Variants in EHBP1 observed in about 807,000 individuals in gnomAD.
EHBP1 encodes the protein EH domain binding protein 1, also known as EH domain-binding protein 1.
Under a neutral mutation model 144.0 loss-of-function variants are expected in EHBP1, and 55 were observed. The ratio of observed to expected loss-of-function variants is 0.38; its 90% CI spans 0.31 to 0.48. The LOEUF (loss-of-function observed/expected upper bound fraction) is 0.48. Ranked by LOEUF, EHBP1 falls within the 20% of genes least tolerant of loss-of-function variation. The probability of loss-of-function intolerance (pLI) is 0.98; values close to 1 mark genes in which losing one functional copy is unlikely to be tolerated. For missense variants in EHBP1, 1,200 were observed against 1,364.2 expected, an observed-to-expected ratio of 0.88 and a Z score of 1.90; for synonymous variants, 469 against 472.7, an observed-to-expected ratio of 0.99 and a Z score of 0.10.
intron 14 of EHBP1, chr2:62,956,185 C>A (rs2057685556): frequency 6.6e-6 from 1 of 152,200 alleles, no homozygotes. Context: ...AGAGTCAGTC[C>A]ACTTTCCTAT....
At chr2:62,688,981 TA>T (rs1413376823) in intron 1 of EHBP1, among the ~76,000 whole-genome samples, 1 of 152,234 alleles carries the variant, frequency 6.6e-6, no homozygotes, top group East Asian at 1.9e-4. Flanking sequence ...GTCATTTTAA[TA>T]AAACCCCAAG....
At chr2:62,763,584 T>G (rs1209595894) in intron 3 of EHBP1, among the ~76,000 whole-genome samples, 1 of 152,160 alleles carries the variant, frequency 6.6e-6, no homozygotes, top group Non-Finnish European at 1.5e-5. Context: ...TTAGTTGAGT[T>G]GAGATGTCTT....
At position 63,016,816 on chromosome 2, in the gene EHBP1, A is replaced by G. The variant is rs894996223; in HGVS notation, c.3103+20050A>G. ...AATTGATTCTGCCACATCTTGATGG[A>G]ATCACAGCCAGGCAGAAGAACAGTG... On this transcript the variant is annotated intron_variant, in intron 19 of 22. Transcript: ENST00000431489. 3.9e-5 allele frequency among the ~76,000 whole-genome samples: 6 copies of G among 152,224 alleles called. No homozygotes were observed. The East Asian group carries it at 1.2e-3, about 29-fold the overall frequency.
chr2:62,992,831 T>C (rs2059466767), intron 16 of EHBP1, among the ~76,000 whole-genome samples: 1 of 152,186 alleles, frequency 6.6e-6, no homozygotes, highest in East Asian at 1.9e-4. Context: ...CTATTAGTCA[T>C]GCATCTTAGC....
chr2:63,034,363 C>T (rs1346548925), intron 19 of EHBP1, among the ~76,000 whole-genome samples: 1 of 150,326 alleles, frequency 6.7e-6, no homozygotes, highest in Non-Finnish European at 1.5e-5. Flanking sequence ...AATGGTGAAA[C>T]TGAAAAAAAA....
In EHBP1 at chr2:63,031,997, T is replaced by C. The variant is rs553556831; in HGVS notation, c.3104-5538T>C. Among the ~76,000 whole-genome samples the C allele has an allele frequency of 1.8e-4, 27 of 152,250 alleles. 1 individual carries two copies. Among genetic ancestry groups the C allele is most frequent in the African/African-American group, 6.0e-4 (25 of 41,556 alleles). On this transcript the variant is annotated intron_variant, in intron 19 of 22. Coordinates refer to ENST00000431489, the MANE Select transcript of EHBP1 (RefSeq NM_001142616.3). Reference sequence around the variant, plus strand: ...TATAAATAATTTTATCAGTTATATTTTTTTCCGTAATGACTACTTTGATGC... The same window carrying C: ...TATAAATAATTTTATCAGTTATATTCTTTTCCGTAATGACTACTTTGATGC...
At chr2:62,820,549 G>A (rs1006281294) in intron 5 of EHBP1, among the ~76,000 whole-genome samples, 5 of 151,006 alleles carry the variant, frequency 3.3e-5, no homozygotes, top group Non-Finnish European at 7.4e-5. Context: ...CCTGGTAACC[G>A]CTATTCTGCT....
chr2:62,931,716 A>G (rs2056004604), intron 10 of EHBP1, among the ~76,000 whole-genome samples: 1 of 152,240 alleles, frequency 6.6e-6, no homozygotes, highest in African/African-American at 2.4e-5. Flanking sequence ...TCTTCCGTGC[A>G]GGATGTGAAT....
chr2:62,946,400 A>G (rs908932989), intron 12 of EHBP1, among the ~76,000 whole-genome samples: 2 of 152,164 alleles, frequency 1.3e-5, no homozygotes, highest in Non-Finnish European at 2.9e-5. Flanking sequence ...GATTCTATTC[A>G]TTGTATTATT....
At chr2:62,941,580 A>C (rs1210897220) in intron 10 of EHBP1, among the ~76,000 whole-genome samples, 1 of 152,122 alleles carries the variant, frequency 6.6e-6, no homozygotes, top group Non-Finnish European at 1.5e-5. Context: ...AATCATAATT[A>C]TGTGGGGTTG....
intron 2 of EHBP1, among the ~76,000 whole-genome samples, chr2:62,737,876 C>T (rs564639101): frequency 1.5e-4 from 23 of 152,196 alleles, no homozygotes; most frequent in African/African-American, 5.5e-4. Context: ...TGATTCTTCC[C>T]TCTTAGCCTC....
At chr2:62,966,726 C>A (rs1415794509) in intron 14 of EHBP1, among the ~76,000 whole-genome samples, 1 of 151,978 alleles carries the variant, frequency 6.6e-6, no homozygotes, top group Non-Finnish European at 1.5e-5. Context: ...TATCATTTCC[C>A]AGCATTTTTA....
At chr2:62,792,122 A>G (rs1232844346) in intron 5 of EHBP1, among the ~76,000 whole-genome samples, 1 of 152,046 alleles carries the variant, frequency 6.6e-6, no homozygotes, top group East Asian at 1.9e-4. Context: ...TACTACTTAC[A>G]GTTATTTCAG....
chr2:62,721,822 A>G (rs1028889868), intron 2 of EHBP1, among the ~76,000 whole-genome samples: 1 of 152,168 alleles, frequency 6.6e-6, no homozygotes, highest in African/African-American at 2.4e-5. Flanking sequence ...ACCTTTTGAT[A>G]TCATTACTGC....
At chr2:62,979,068 C>G in intron 14 of EHBP1, 120 bp from the exon 15 acceptor site, 1 of 897,700 alleles carries the variant, frequency 1.1e-6, no homozygotes. Context: ...TATAGAGCAT[C>G]CTATTTATAA....
intron 4 of EHBP1, among the ~76,000 whole-genome samples, chr2:62,770,820 G>T (rs902125855): frequency 2.6e-5 from 4 of 152,164 alleles, no homozygotes; most frequent in Non-Finnish European, 4.4e-5. Flanking sequence ...ATACTATGCG[G>T]CCATAAAAAG....
chr2:62,766,352 A>T (rs893603138), intron 4 of EHBP1, among the ~76,000 whole-genome samples: 1 of 152,142 alleles, frequency 6.6e-6, no homozygotes, highest in East Asian at 1.9e-4. Flanking sequence ...GATCTCAACT[A>T]TGGCAATAGA....
intron 14 of EHBP1, among the ~76,000 whole-genome samples, chr2:62,961,469 A>C (rs977908328): frequency 5.9e-5 from 9 of 152,190 alleles, no homozygotes; most frequent in South Asian, 2.1e-4. Context: ...TTGTTCTATG[A>C]AGATTTTCAA....
intron 16 of EHBP1, 62 bp downstream of exon 16, chr2:62,990,902 G>C: frequency 6.6e-7 from 1 of 1,516,866 alleles, no homozygotes; most frequent in Non-Finnish European, 8.8e-7. Flanking sequence ...TCTGCCAGGA[G>C]TTTGTAATTC....
Sources: allele counts gnomAD v4.1 joint callset (sites outside exome capture counted in the v4.1 genomes callset), GRCh38; gene constraint gnomAD v4.1.1; transcripts MANE v1.5; gene names NCBI Gene and HGNC (gene_info 2026-07-23, HGNC 2026-07-21).